Variants in DOCK5 observed in about 807,000 individuals in gnomAD.
DOCK5 encodes the protein dedicator of cytokinesis protein 5.
A neutral mutation model predicts 251.8 loss-of-function variants in DOCK5; 142 were observed. The ratio of observed to expected loss-of-function variants is 0.56; its 90% CI spans 0.49 to 0.65. DOCK5 has a LOEUF of 0.65. Among genes scored for constraint, DOCK5 ranks in the 30% least tolerant of loss-of-function variants. The pLI is 0.00. For missense variants in DOCK5, 2,111 were observed against 2,312.3 expected (o/e 0.91, Z 1.79); for synonymous variants, 842 against 835.5 (o/e 1.01, Z -0.13).
chr8:25,319,647 A>G lies in DOCK5; in HGVS notation c.1513A>G (p.Lys505Glu). The change falls in exon 15 of 52, where the codon AAG becomes GAG. Residue 505 changes from lysine (K) to glutamate (E), a missense_variant. Lys to Glu is a moderately conservative substitution (Grantham distance 56). This residue lies in a region of DOCK5 where 1,717 missense variants were observed against 1,892.4 expected (regional missense o/e 0.91). Coordinates refer to ENST00000276440, the MANE Select transcript of DOCK5 (RefSeq NM_024940.8). The part of the protein sequence containing the change: ...EYKSVVYYQV[K>E]QPCWYETVKV... ...CAAATCAGTAGTCTATTACCAAGTC[A>G]AGCAGCCCTGTTGGTATGAGACTGT... The G allele has an allele frequency of 6.3e-7, 1 of 1,589,290 alleles. No homozygotes were observed. The highest frequency in any genetic ancestry group is 8.6e-7 in the Non-Finnish European group (1 of 1,167,694).
rs539888078 is a variant in DOCK5 at position 25,298,473 on chromosome 8, A to C, written c.607-471A>C. Among the ~76,000 whole-genome samples, 11 of 152,346 alleles carry C rather than the reference A, an allele frequency of 7.2e-5. No individual in the cohort carries two copies. The South Asian group carries it at 2.1e-3, about 29-fold the overall frequency. ...TGGGATTCAAGGCCCTGAACAGGACAGTCTTGATCACTGAAAATATAATGA... is the reference window on the plus strand; with the variant it reads ...TGGGATTCAAGGCCCTGAACAGGACCGTCTTGATCACTGAAAATATAATGA... On this transcript the variant is annotated intron_variant, in intron 7 of 51. Coordinates refer to ENST00000276440, the MANE Select transcript of DOCK5 (RefSeq NM_024940.8).
At chr8:25,224,994 A>G (rs1424845820) in intron 1 of DOCK5, among the ~76,000 whole-genome samples, 1 of 152,254 alleles carries the variant, frequency 6.6e-6, no homozygotes, top group Non-Finnish European at 1.5e-5. Flanking sequence ...AAAGATTCTC[A>G]GCACCACTAA....
chr8:25,395,981 G>C, intron 45 of DOCK5: 2 of 539,766 alleles, frequency 3.7e-6, no homozygotes, highest in South Asian at 3.5e-5. Flanking sequence ...CTGTTATTCT[G>C]TCTCCCCTGA....
intron 27 of DOCK5, among the ~76,000 whole-genome samples, chr8:25,358,596 CTAAT>C (rs764331368): frequency 1.5e-3 from 232 of 152,296 alleles, no homozygotes; most frequent in Non-Finnish European, 2.3e-3. Flanking sequence ...ATTTGTTTAA[CTAAT>C]CTAAGTATTT....
At chr8:25,278,808 C>A in intron 5 of DOCK5, 143 bp downstream of exon 5, 1 of 752,774 alleles carries the variant, frequency 1.3e-6, no homozygotes, top group Non-Finnish European at 2.2e-6. Flanking sequence ...TGATAAGCAG[C>A]AGATTCTCAT....
chr8:25,261,928 G>A (rs187441144), intron 2 of DOCK5, among the ~76,000 whole-genome samples: 15 of 152,238 alleles, frequency 9.9e-5, no homozygotes, highest in East Asian at 7.7e-4. Context: ...TTGCACATCC[G>A]TAGTTCATTC....
chr8:25,226,308 C>T (rs1802529876), intron 1 of DOCK5, among the ~76,000 whole-genome samples: 1 of 131,300 alleles, frequency 7.6e-6, no homozygotes, highest in South Asian at 2.4e-4. Flanking sequence ...GTCACCCAGG[C>T]TGGAGTGCAG....
Position 25,300,620 on chromosome 8 carries a change from A to T in DOCK5, c.809A>T (p.Glu270Val), listed in dbSNP as rs1804738460. The change falls in exon 9 of 52, where the codon GAA (glutamate) becomes GTA (valine). Residue 270 changes from glutamate to valine, a missense_variant. Around this residue, in one of 3 missense-constraint regions of DOCK5, gnomAD observed 59 missense variants for 95.0 expected, o/e 0.62. Transcript: ENST00000276440. ...IRWGSNGMPK[E>V]IEKLNNLQAV... ...TGGGGCAGTAACGGGATGCCCAAGG[A>T]AATAGAGAAGCTCAATAACCTCCAA... The T allele has an allele frequency of 3.7e-6, 6 of 1,613,390 alleles. No individual in the cohort carries two copies. The highest frequency in any genetic ancestry group is 5.1e-6 in the Non-Finnish European group (6 of 1,179,706).
intron 1 of DOCK5, among the ~76,000 whole-genome samples, chr8:25,228,499 A>G (rs1354187325): frequency 6.6e-6 from 1 of 152,194 alleles, no homozygotes; most frequent in East Asian, 1.9e-4. Context: ...TGTGCCCACA[A>G]TGGCAGCTCT....
chr8:25,334,409 C>T (rs1159955554), intron 21 of DOCK5, among the ~76,000 whole-genome samples: 4 of 152,144 alleles, frequency 2.6e-5, no homozygotes, highest in Non-Finnish European at 5.9e-5. Flanking sequence ...CATTCTGGAT[C>T]AGGCGAAATT....
rs555697863 is a variant in DOCK5 at position 25,344,980 on chromosome 8, T to C, written c.2618-495T>C. ...ATAGGTCATACCTTACTTTCTGAAA[T>C]CCACACGCCTGCACAGACATGAGCA... On this transcript the variant is annotated intron_variant, in intron 25 of 51. Transcript: ENST00000276440. 6.6e-5 allele frequency among the ~76,000 whole-genome samples: 10 copies of C among 152,264 alleles called. 1 individual carries two copies. In the South Asian group the frequency reaches 1.9e-3, roughly 28 times the overall value.
chr8:25,203,985 C>T (rs118078017), intron 1 of DOCK5, among the ~76,000 whole-genome samples: 2,812 of 152,180 alleles, frequency 0.018, 37 homozygotes, highest in Middle Eastern at 0.037. Flanking sequence ...GTTCTTTCGT[C>T]TTAGATGTCT....
intron 20 of DOCK5, 52 bp from the exon 21 acceptor site, chr8:25,334,044 A>G: frequency 7.1e-7 from 1 of 1,410,286 alleles, no homozygotes; most frequent in Non-Finnish European, 1.0e-6. Context: ...GCTTGTTGAC[A>G]GAATACTTGG....
chr8:25,304,014 GT>G (rs1279633407), intron 10 of DOCK5, among the ~76,000 whole-genome samples: 2 of 152,184 alleles, frequency 1.3e-5, no homozygotes, highest in Non-Finnish European at 2.9e-5. Flanking sequence ...AGTTTTTAAA[GT>G]GGGTAGTCTG....
At chr8:25,319,556 A>G (rs770660191) in intron 14 of DOCK5, 22 bp from the exon 15 acceptor site, 23 of 1,537,908 alleles carry the variant, frequency 1.5e-5, no homozygotes, top group East Asian at 2.4e-5. Flanking sequence ...ATTCCCTTCT[A>G]ATTTTTTCCT....
In DOCK5 at chr8:25,332,123, A is replaced by T. The variant is rs989143949; in HGVS notation, c.1904-128A>T. On this transcript the variant is annotated intron_variant, in intron 18 of 51. Transcript: ENST00000276440. ...AGATAGGAGATAGTAAATTAAAAGA[A>T]TATATAAGGCATCTTGAATTAGCCA... is the stretch of plus-strand genomic sequence containing the variant. 5 of 556,118 alleles carry T rather than the reference A, an allele frequency of 9.0e-6. No individual in the cohort carries two copies. The African/African-American group carries it at 9.6e-5, about 11-fold the overall frequency. 34.4% of individuals were successfully genotyped at this position (556,118 alleles called of 1,614,324 possible). A position where few individuals can be genotyped will look rare whatever the true frequency, so the allele number is the denominator to read the frequency against.
At chr8:25,296,812 A>G (rs535966161) in intron 7 of DOCK5, among the ~76,000 whole-genome samples, 164 bp downstream of exon 7, 14 of 152,232 alleles carry the variant, frequency 9.2e-5, no homozygotes, top group African/African-American at 3.1e-4. Flanking sequence ...ATATATATAT[A>G]TATGTTCTGA....
intron 4 of DOCK5, among the ~76,000 whole-genome samples, chr8:25,278,133 C>T (rs1475583867): frequency 6.6e-6 from 1 of 152,162 alleles, no homozygotes; most frequent in Non-Finnish European, 1.5e-5. Context: ...CTGGCCTCTG[C>T]CCCAACCAGG....
chr8:25,232,578 T>C (rs1467268901), intron 1 of DOCK5, among the ~76,000 whole-genome samples: 1 of 152,110 alleles, frequency 6.6e-6, no homozygotes, highest in African/African-American at 2.4e-5. Context: ...ACCTTCTGGG[T>C]TGCAGACTGC....
Sources: allele counts gnomAD v4.1 joint callset (sites outside exome capture counted in the v4.1 genomes callset), GRCh38; gene constraint gnomAD v4.1.1; regional missense constraint gnomAD v4.1.1; transcripts MANE v1.5; gene names NCBI Gene and HGNC (gene_info 2026-07-23, HGNC 2026-07-21).